Variants in SGCZ observed in about 807,000 individuals in gnomAD.
SGCZ encodes the protein zeta-sarcoglycan.
In SGCZ, 40 loss-of-function variants were observed where a neutral mutation model predicts 41.3. The ratio of observed to expected loss-of-function variants is 0.97; its 90% CI spans 0.75 to 1.26. The LOEUF is 1.26. SGCZ is among the 50% of genes most tolerant of loss of function. SGCZ has a pLI of 0.00. For missense variants in SGCZ, 552 were observed against 369.8 expected (o/e 1.49, Z -4.04); for synonymous variants, 206 against 137.5 (o/e 1.50, Z -3.49).
chr8:14,744,901 T>G (rs906662425), intron 1 of SGCZ, among the ~76,000 whole-genome samples: 1 of 152,194 alleles, frequency 6.6e-6, no homozygotes, highest in Admixed American at 6.5e-5. Flanking sequence ...AACAGCTTTT[T>G]ATCATACTGA....
At chr8:14,722,841 T>C (rs1262209797) in intron 1 of SGCZ, among the ~76,000 whole-genome samples, 1 of 152,176 alleles carries the variant, frequency 6.6e-6, no homozygotes, top group Non-Finnish European at 1.5e-5. Flanking sequence ...TTTATATAAG[T>C]ATGTACACAG....
chr8:14,899,795 A>G (rs893588242), intron 1 of SGCZ, among the ~76,000 whole-genome samples: 1 of 152,056 alleles, frequency 6.6e-6, no homozygotes, highest in African/African-American at 2.4e-5. Context: ...GGAGGAATAC[A>G]GGAAGGGAGA....
intron 3 of SGCZ, among the ~76,000 whole-genome samples, chr8:14,251,794 G>C (rs954009554): frequency 6.6e-6 from 1 of 151,924 alleles, no homozygotes; most frequent in South Asian, 2.1e-4. Flanking sequence ...TGTGGCCTGG[G>C]ATACTTTGCC....
In SGCZ at chr8:14,491,027, A is replaced by G. The variant is rs373534813; in HGVS notation, c.234+63705T>C. ...TCTCATTCTACTAATCAATTTAAACATTTCATTTATTTTGTTATGTTTCCT... is the reference window on the plus strand; with the variant it reads ...TCTCATTCTACTAATCAATTTAAACGTTTCATTTATTTTGTTATGTTTCCT... On this transcript the variant is annotated intron_variant, in intron 2 of 7. Transcript: ENST00000382080. Among the ~76,000 whole-genome samples the G allele has an allele frequency of 4.4e-3, 672 of 152,278 alleles. 9 individuals carry two copies. Among genetic ancestry groups the G allele is most frequent in the African/African-American group, 0.015 (641 of 41,560 alleles).
intron 1 of SGCZ, among the ~76,000 whole-genome samples, chr8:15,096,506 G>T (rs972592761): frequency 6.6e-6 from 1 of 152,130 alleles, no homozygotes; most frequent in Non-Finnish European, 1.5e-5. Flanking sequence ...TGGCAGGACT[G>T]TGGGCATAAA....
chr8:14,348,501 C>T (rs941195561), intron 2 of SGCZ, among the ~76,000 whole-genome samples: 4 of 152,078 alleles, frequency 2.6e-5, no homozygotes, highest in African/African-American at 9.7e-5. Flanking sequence ...ATTCGTTCGT[C>T]TCTAATCCCA....
At chr8:14,331,198 A>G (rs893204326) in intron 2 of SGCZ, among the ~76,000 whole-genome samples, 1 of 151,976 alleles carries the variant, frequency 6.6e-6, no homozygotes, top group African/African-American at 2.4e-5. Context: ...AATAAAAGGA[A>G]TACATAAAGA....
intron 3 of SGCZ, among the ~76,000 whole-genome samples, chr8:14,284,949 A>G (rs1022396408): frequency 6.6e-6 from 1 of 152,076 alleles, no homozygotes; most frequent in Admixed American, 6.5e-5. Flanking sequence ...ATTTAATTCT[A>G]TGTTGGGCAT....
At chr8:14,897,271 T>C (rs1366772488) in intron 1 of SGCZ, among the ~76,000 whole-genome samples, 1 of 152,186 alleles carries the variant, frequency 6.6e-6, no homozygotes, top group Non-Finnish European at 1.5e-5. Context: ...TAATAAACTA[T>C]TAATAAAATT....
At chr8:14,679,115 G>T (rs1475162763) in intron 1 of SGCZ, among the ~76,000 whole-genome samples, 2 of 152,058 alleles carry the variant, frequency 1.3e-5, no homozygotes, top group African/African-American at 4.8e-5. Flanking sequence ...GGTAGTGCAG[G>T]TATAAACCGA....
chr8:14,556,550 T>C (rs748638346), intron 1 of SGCZ, among the ~76,000 whole-genome samples: 10 of 152,024 alleles, frequency 6.6e-5, no homozygotes, highest in Non-Finnish European at 8.8e-5. Context: ...CAGCAGTCTA[T>C]AATGAACCCA....
At chr8:14,555,312 C>T (rs760326220) in intron 1 of SGCZ, among the ~76,000 whole-genome samples, 4 of 151,990 alleles carry the variant, frequency 2.6e-5, no homozygotes, top group African/African-American at 7.2e-5. Flanking sequence ...TTGAATTGTA[C>T]TCTCCAATGT....
chr8:15,182,275 T>C (rs2117089910), intron 1 of SGCZ, among the ~76,000 whole-genome samples: 1 of 152,232 alleles, frequency 6.6e-6, no homozygotes, highest in Non-Finnish European at 1.5e-5. Context: ...CACTAAAATA[T>C]AGATTAGCAT....
intron 2 of SGCZ, among the ~76,000 whole-genome samples, chr8:14,538,268 G>T (rs570548537): frequency 3.4e-4 from 52 of 151,962 alleles, no homozygotes; most frequent in African/African-American, 1.3e-3. Flanking sequence ...CCCTTAAAAT[G>T]GATTTTTTGT....
intron 3 of SGCZ, among the ~76,000 whole-genome samples, chr8:14,251,900 G>C (rs1332085991): frequency 6.6e-6 from 1 of 152,036 alleles, no homozygotes; most frequent in East Asian, 1.9e-4. Flanking sequence ...AGTAGAGACG[G>C]GGTTTTGCAA....
chr8:15,026,932 C>T (rs4631466), intron 1 of SGCZ, among the ~76,000 whole-genome samples: 84,829 of 151,988 alleles, frequency 0.56, 24,890 homozygotes, highest in Non-Finnish European at 0.66. Context: ...ACCAATTGTG[C>T]TGATGGTTAA....
chr8:14,195,677 T>C (rs1221064190), intron 4 of SGCZ, among the ~76,000 whole-genome samples: 3 of 152,026 alleles, frequency 2.0e-5, no homozygotes, highest in South Asian at 2.1e-4. Context: ...CTTTTGTACA[T>C]AGAGTAACAA....
At chr8:14,436,015 T>C (rs1027094580) in intron 2 of SGCZ, among the ~76,000 whole-genome samples, 16 of 152,180 alleles carry the variant, frequency 1.1e-4, no homozygotes, top group Non-Finnish European at 2.2e-4. Flanking sequence ...GGAAGTAGGA[T>C]TACTAAGCAG....
chr8:14,888,499 A>T (rs1055350598), intron 1 of SGCZ, among the ~76,000 whole-genome samples: 3 of 152,198 alleles, frequency 2.0e-5, no homozygotes, highest in African/African-American at 7.2e-5. Flanking sequence ...AGTATACATA[A>T]TCGTATCATG....
Sources: allele counts gnomAD v4.1 joint callset (sites outside exome capture counted in the v4.1 genomes callset), GRCh38; gene constraint gnomAD v4.1.1; transcripts MANE v1.5; gene names NCBI Gene and HGNC (gene_info 2026-07-23, HGNC 2026-07-21).